The following DNAJC1 variants were observed in gnomAD, a reference collection of about 807,000 sequenced individuals.
DNAJC1 encodes the protein DnaJ heat shock protein family (Hsp40) member C1.
A neutral mutation model predicts 76.6 loss-of-function variants in DNAJC1; 58 were observed. That is an observed-to-expected ratio of 0.76 (90% CI 0.61 to 0.94). The LOEUF (loss-of-function observed/expected upper bound fraction) is 0.94, where lower values mean the gene tolerates loss of function less well. DNAJC1 is among the 40% of genes least tolerant of loss of function. DNAJC1 has a pLI of 0.00. For missense variants in DNAJC1, 689 were observed against 677.3 expected, an observed-to-expected ratio of 1.02 and a Z score of -0.19; for synonymous variants, 258 against 267.9, an observed-to-expected ratio of 0.96 and a Z score of 0.36.
At chr10:21,918,907 A>AT (rs1221494993) in intron 5 of DNAJC1, 35 bp from the exon 6 acceptor site, 1 of 1,423,140 alleles carries the variant, frequency 7.0e-7, no homozygotes, top group Non-Finnish European at 9.9e-7. Context: ...ACCATACAAC[A>AT]TATGAGGAAT....
intron 1 of DNAJC1, among the ~76,000 whole-genome samples, chr10:21,979,712 CTT>C (rs771102291): frequency 3.5e-5 from 5 of 142,420 alleles, no homozygotes; most frequent in Admixed American, 1.4e-4. Flanking sequence ...TATAATTTTT[CTT>C]TTTTTTTTTT....
chr10:21,952,739 A>T (rs1023167981), intron 1 of DNAJC1, among the ~76,000 whole-genome samples: 1 of 152,158 alleles, frequency 6.6e-6, no homozygotes, highest in African/African-American at 2.4e-5. Context: ...AGCCTGGGTG[A>T]CAGAGCAAGA....
At chr10:21,908,029 AT>A (rs1836776317) in intron 6 of DNAJC1, among the ~76,000 whole-genome samples, 1 of 37,274 alleles carries the variant, frequency 2.7e-5, no homozygotes, top group Non-Finnish European at 4.0e-5. Context: ...ATATATAAAT[AT>A]ATAATATAAT....
rs3032395 is a variant in DNAJC1 at position 21,883,251 on chromosome 10, AACACACACAC to A, written c.821-822_821-813del. On this transcript the variant is annotated intron_variant, in intron 7 of 11. Coordinates refer to ENST00000376980, the MANE Select transcript of DNAJC1 (RefSeq NM_022365.4). ...GGTGACAGAGTGAGATTCTATCTCA[AACACACACAC>A]ACACACACACACACACACACACACA... 5.3e-3 allele frequency among the ~76,000 whole-genome samples: 686 copies of A among 129,020 alleles called. 4 individuals are homozygous for A. The highest frequency in any genetic ancestry group is 0.018 in the African/African-American group (625 of 35,272). The allele number at this position is 129,020 out of a possible 152,430, so 84.6% of individuals were successfully genotyped here. A position where few individuals can be genotyped will look rare whatever the true frequency, so the allele number is the denominator to read the frequency against.
At chr10:21,807,892 T>G (rs1197951887) in intron 8 of DNAJC1, among the ~76,000 whole-genome samples, 1 of 152,230 alleles carries the variant, frequency 6.6e-6, no homozygotes, top group Non-Finnish European at 1.5e-5. Flanking sequence ...TCTTTCTCCT[T>G]GTCTTTATTT....
intron 8 of DNAJC1, among the ~76,000 whole-genome samples, chr10:21,812,092 CCT>C (rs905850180): frequency 2.0e-5 from 3 of 151,064 alleles, no homozygotes; most frequent in African/African-American, 7.3e-5. Flanking sequence ...GGAGTCTCAC[CCT>C]ATTGCCCAGG....
chr10:21,844,429 TACTTCA>T (rs1284858076), intron 8 of DNAJC1, among the ~76,000 whole-genome samples: 1 of 152,158 alleles, frequency 6.6e-6, no homozygotes, highest in Non-Finnish European at 1.5e-5. Flanking sequence ...CATTGGACAG[TACTTCA>T]TCTGTGCAGT....
chr10:21,849,292 C>CAAAAAAAAAAAA (rs33953332), intron 8 of DNAJC1, among the ~76,000 whole-genome samples: 7 of 35,860 alleles, frequency 2.0e-4, no homozygotes, highest in African/African-American at 7.4e-4. Flanking sequence ...GACTCCGCCT[C>CAAAAAAAAAAAA]AAAAAAAAAA....
chr10:21,776,652 GC>G (rs1284298423), intron 9 of DNAJC1, among the ~76,000 whole-genome samples: 3 of 152,082 alleles, frequency 2.0e-5, no homozygotes, highest in Non-Finnish European at 4.4e-5. Flanking sequence ...CTGGTAGAAA[GC>G]AGTGGTGCTC....
Position 21,973,120 on chromosome 10 carries a change from G to A in DNAJC1, c.222+30093C>T, listed in dbSNP as rs952641203. 3.3e-5 allele frequency among the ~76,000 whole-genome samples: 5 copies of A among 151,952 alleles called. No individual in the cohort carries two copies. In the East Asian group the frequency reaches 9.7e-4, roughly 29 times the overall value. On this transcript the variant is annotated intron_variant, in intron 1 of 11. Coordinates refer to ENST00000376980, the MANE Select transcript of DNAJC1 (RefSeq NM_022365.4). ...TATATTTACATTACCTAAATAACAG[G>A]GCTGTTATGGGATGTGTATTCTGGT... is the stretch of plus-strand genomic sequence containing the variant.
intron 4 of DNAJC1, 100 bp from the exon 5 acceptor site, chr10:21,920,029 T>C: frequency 1.4e-6 from 1 of 700,606 alleles, no homozygotes; most frequent in Non-Finnish European, 2.4e-6. Flanking sequence ...TAGAGGAACA[T>C]TTATGCAAAT....
At chr10:21,779,249 G>A (rs1197740364) in intron 9 of DNAJC1, among the ~76,000 whole-genome samples, 3 of 152,146 alleles carry the variant, frequency 2.0e-5, no homozygotes, top group African/African-American at 7.2e-5. Context: ...AGAGAGTAGT[G>A]GTTCTCCCAG....
At chr10:21,906,986 C>T (rs2131747528) in intron 6 of DNAJC1, among the ~76,000 whole-genome samples, 1 of 152,242 alleles carries the variant, frequency 6.6e-6, no homozygotes, top group East Asian at 1.9e-4. Context: ...AATCCTGTAT[C>T]TTCTTGCTTA....
chr10:21,885,859 G>A (rs1437463501), intron 7 of DNAJC1, among the ~76,000 whole-genome samples: 1 of 151,920 alleles, frequency 6.6e-6, no homozygotes, highest in Admixed American at 6.6e-5. Context: ...AATTCATAGC[G>A]CTAAATGCCC....
intron 8 of DNAJC1, among the ~76,000 whole-genome samples, chr10:21,813,520 C>T (rs575376795): frequency 6.6e-6 from 1 of 152,022 alleles, no homozygotes; most frequent in Admixed American, 6.5e-5. Flanking sequence ...CTCAGCCTCC[C>T]GAGTAGCTGG....
intron 9 of DNAJC1, 118 bp from the exon 10 acceptor site, chr10:21,766,427 A>G: frequency 2.6e-6 from 2 of 767,136 alleles, no homozygotes; most frequent in Non-Finnish European, 4.6e-6. Context: ...TTAGGCCTGA[A>G]AGACCCTCAG....
chr10:21,843,167 GGAA>G (rs1262679870), intron 8 of DNAJC1, among the ~76,000 whole-genome samples: 3 of 152,196 alleles, frequency 2.0e-5, no homozygotes, highest in African/African-American at 7.2e-5. Context: ...TGGAATTAGA[GGAA>G]GTATGTATGA....
At chr10:21,997,777 G>C (rs1252125069) in intron 1 of DNAJC1, among the ~76,000 whole-genome samples, 1 of 152,096 alleles carries the variant, frequency 6.6e-6, no homozygotes, top group East Asian at 1.9e-4. Context: ...TATTTTATAA[G>C]CACATCCCTG....
In DNAJC1 at chr10:21,923,781, T is replaced by C. The variant is rs889764929; in HGVS notation, c.372-2818A>G. Among the ~76,000 whole-genome samples, 4 of 151,940 alleles carry C rather than the reference T, an allele frequency of 2.6e-5. No individual in the cohort carries two copies. In the South Asian group the frequency reaches 6.2e-4, roughly 24 times the overall value. On this transcript the variant is annotated intron_variant, in intron 3 of 11. Transcript: ENST00000376980. The stretch of plus-strand genomic sequence containing the variant: ...ATACTCATTAGTGAGTTTTATACTA[T>C]AATCTGCAATTCATCAAACATATTT...
Sources: allele counts gnomAD v4.1 joint callset (sites outside exome capture counted in the v4.1 genomes callset), GRCh38; gene constraint gnomAD v4.1.1; transcripts MANE v1.5; gene names NCBI Gene and HGNC (gene_info 2026-07-23, HGNC 2026-07-21).